The following CCNK variants were observed in gnomAD, a reference collection of about 807,000 sequenced individuals.
CCNK encodes the protein cyclin K.
CCNK carries 9 observed loss-of-function variants against 65.0 expected under a neutral mutation model. The observed-to-expected ratio is 0.14, with a 90% CI of 0.08 to 0.24. The LOEUF is 0.24. CCNK is among the 10% of genes least tolerant of loss of function. The pLI is 1.00. For missense variants in CCNK, 474 were observed against 720.0 expected, an observed-to-expected ratio of 0.66 and a Z score of 3.91; for synonymous variants, 279 against 270.8, an observed-to-expected ratio of 1.03 and a Z score of -0.30.
chr14:99,510,765 G>A lies in CCNK; in HGVS notation c.1726G>A (p.Ala576Thr), dbSNP rs750774367. 5 of 1,464,224 alleles carry A rather than the reference G, an allele frequency of 3.4e-6. No individual in the cohort carries two copies. The South Asian group carries it at 7.7e-5, about 22-fold the overall frequency. 90.7% of individuals were successfully genotyped at this position (1,464,224 alleles called of 1,614,324 possible). A position where few individuals can be genotyped will look rare whatever the true frequency, so the allele number is the denominator to read the frequency against. ...GCCTCCAGTTGGGGGGCTGGGGCGGGCAGCCTGGATGAGATAACGTGAGCC... is the reference window on the plus strand; with the variant it reads ...GCCTCCAGTTGGGGGGCTGGGGCGGACAGCCTGGATGAGATAACGTGAGCC... ...GMPPVGGLGRAAWMR is the reference protein window; with the variant it reads ...GMPPVGGLGRTAWMR Residue 576 changes from alanine (A) to threonine (T), a missense_variant, in exon 11 of 11, where the codon GCA (alanine) becomes ACA (threonine). By Grantham distance (58) the Ala-to-Thr change is moderately conservative. Transcript: ENST00000389879.
chr14:99,497,663 T>C (rs1896731130), intron 4 of CCNK, among the ~76,000 whole-genome samples: 1 of 152,240 alleles, frequency 6.6e-6, no homozygotes, highest in Non-Finnish European at 1.5e-5. Context: ...TGTCTCACAA[T>C]AGTTATCTTT....
At chr14:99,505,242 A>G (rs1376031580) in intron 9 of CCNK, 2 of 152,312 alleles carry the variant, frequency 1.3e-5, no homozygotes, top group African/African-American at 2.4e-5. Flanking sequence ...CATGGGAAAC[A>G]TGGTGGCCTC....
chr14:99,493,375 C>T (rs1283761194), intron 2 of CCNK, 139 bp from the exon 3 acceptor site: 2 of 553,078 alleles, frequency 3.6e-6, no homozygotes, highest in Middle Eastern at 3.8e-4. Context: ...CCTGAGATTC[C>T]CATCTCATTA....
intron 1 of CCNK, 91 bp from the exon 2 acceptor site, chr14:99,492,535 A>G: frequency 2.9e-6 from 2 of 693,382 alleles, no homozygotes; most frequent in Non-Finnish European, 4.7e-6. Context: ...TCTATAGGAA[A>G]TAGTGATCCC....
intron 1 of CCNK, among the ~76,000 whole-genome samples, chr14:99,489,435 C>T (rs971000297): frequency 2.0e-5 from 3 of 152,162 alleles, no homozygotes; most frequent in Admixed American, 6.5e-5. Flanking sequence ...GGAGGCTAGG[C>T]GGGAGGATCG....
At position 99,495,527 on chromosome 14, in the gene CCNK, TG is replaced by T; in HGVS notation, c.312del (p.Val106Ter). 6.2e-7 allele frequency: 1 copy of T among 1,612,486 alleles called. No individual in the cohort carries two copies. Among genetic ancestry groups the T allele is most frequent in the Non-Finnish European group, 8.5e-7 (1 of 1,179,300 alleles). ...CAGGAGCCTGTTGCCTCTTTCTGGCTGGGAAAGTAGAAGAAACACCAAAAAA... is the reference window on the plus strand; with the variant it reads ...CAGGAGCCTGTTGCCTCTTTCTGGCTGGAAAGTAGAAGAAACACCAAAAAA... The part of the protein sequence containing the change: ...VTGACCLFLA[G>X]KVEETPKKCK... On this transcript the variant is annotated frameshift_variant, in exon 4 of 11. Transcript: ENST00000389879. LOFTEE classifies it high-confidence loss of function.
At chr14:99,500,960 G>A in intron 5 of CCNK, 89 bp downstream of exon 5, 1 of 834,408 alleles carries the variant, frequency 1.2e-6, no homozygotes, top group Non-Finnish European at 1.9e-6. Flanking sequence ...CTCAAAAGCG[G>A]AAAACAAAGT....
At position 99,492,800 on chromosome 14, in the gene CCNK, T is replaced by C; in HGVS notation, c.123T>C (p.Leu41=). 1 of 1,613,362 alleles carries C rather than the reference T, an allele frequency of 6.2e-7. No individual in the cohort carries two copies. The highest frequency in any genetic ancestry group is 8.5e-7 in the Non-Finnish European group (1 of 1,179,704). ...ATACACCCTCACAACTTGAAGGACT[T>C]GATCCAGCCACCGAGGCCCGGTACC... ...LAHTPSQLEG[L]DPATEARYRR... The change falls in exon 2 of 11, where the codon CTT becomes CTC. Residue 41 remains leucine, a synonymous_variant. Coordinates refer to ENST00000389879, the MANE Select transcript of CCNK (RefSeq NM_001099402.2).
chr14:99,482,507 C>G (rs1322198790), intron 1 of CCNK, among the ~76,000 whole-genome samples: 5 of 152,192 alleles, frequency 3.3e-5, no homozygotes, highest in African/African-American at 1.2e-4. Flanking sequence ...AGGATGCTTA[C>G]CTGTTAAATA....
At chr14:99,499,800 A>G (rs1240873839) in intron 4 of CCNK, among the ~76,000 whole-genome samples, 1 of 152,250 alleles carries the variant, frequency 6.6e-6, no homozygotes, top group African/African-American at 2.4e-5. Flanking sequence ...ACTTTAAAAC[A>G]ACTAAAGGAC....
At position 99,507,432 on chromosome 14, in the gene CCNK, G is replaced by A. The variant is rs534320242; in HGVS notation, c.1117+285G>A. ...TCTAAAAAATTAGCCAGGTGTGGTA[G>A]CACACACCTGTAGTCCCAACTACTT... On this transcript the variant is annotated intron_variant, in intron 10 of 10. Transcript: ENST00000389879. The A allele has an allele frequency of 5.1e-4, 213 of 416,310 alleles. 1 individual carries two copies. The highest frequency in any genetic ancestry group is 4.0e-3 in the African/African-American group (199 of 49,446). 25.8% of individuals were successfully genotyped at this position (416,310 alleles called of 1,614,324 possible). A position where few individuals can be genotyped will look rare whatever the true frequency, so the allele number is the denominator to read the frequency against.
intron 4 of CCNK, among the ~76,000 whole-genome samples, chr14:99,498,690 A>G (rs1329946328): frequency 2.0e-5 from 3 of 152,194 alleles, no homozygotes. Context: ...ATTTTAATCA[A>G]ATGAGTATAT....
At position 99,495,585 on chromosome 14, in the gene CCNK, T is replaced by G; in HGVS notation, c.367T>G (p.Leu123Val). 6.2e-7 allele frequency: 1 copy of G among 1,612,578 alleles called. No individual in the cohort carries two copies. Among genetic ancestry groups the G allele is most frequent in the Non-Finnish European group, 8.5e-7 (1 of 1,179,454 alleles). ...CKDIIKTARS[L>V]LNDVQFGQFG... ...AGATATCATCAAAACAGCTCGTAGT[T>G]TATTAAATGATGTACAATTTGGCCA... Residue 123 changes from leucine (L) to valine (V), a missense_variant, in exon 4 of 11, where the codon TTA (leucine) becomes GTA (valine). Physicochemically the swap from Leu to Val is conservative, Grantham distance 32. Transcript: ENST00000389879.
rs1595307990 is a variant in CCNK at position 99,492,711 on chromosome 14, G to A, written c.34G>A (p.Val12Ile). 1 of 1,610,116 alleles carries A rather than the reference G, an allele frequency of 6.2e-7. No individual in the cohort carries two copies. The highest frequency in any genetic ancestry group is 8.5e-7 in the Non-Finnish European group (1 of 1,178,884). The change falls in exon 2 of 11, where the codon GTA becomes ATA. Residue 12 changes from valine to isoleucine, a missense_variant. Physicochemically the swap from Val to Ile is conservative, Grantham distance 29. This residue lies in a region of CCNK where 87 missense variants were observed against 166.2 expected (regional missense o/e 0.52). Coordinates refer to ENST00000389879, the MANE Select transcript of CCNK (RefSeq NM_001099402.2). Reference protein sequence around the residue: ...KENKENSSPSVTSANLDHTKP... With the variant: ...KENKENSSPSITSANLDHTKP... ...GAATAAAGAAAATTCAAGCCCTTCAGTAACTTCAGCAAACCTGGACCACAC... is the reference window on the plus strand; with the variant it reads ...GAATAAAGAAAATTCAAGCCCTTCAATAACTTCAGCAAACCTGGACCACAC...
chr14:99,489,356 C>A (rs1158344926), intron 1 of CCNK, among the ~76,000 whole-genome samples: 3 of 152,048 alleles, frequency 2.0e-5, no homozygotes, highest in African/African-American at 7.2e-5. Flanking sequence ...ACTAACAGTA[C>A]ACTAATGAAG....
At chr14:99,495,722 G>A (rs571830140) in intron 4 of CCNK, 93 bp downstream of exon 4, 13 of 1,154,488 alleles carry the variant, frequency 1.1e-5, no homozygotes, top group East Asian at 1.1e-4. Flanking sequence ...TAGCCCTTGT[G>A]TCTGCCAGTC....
At chr14:99,495,412 A>C in intron 3 of CCNK, 86 bp from the exon 4 acceptor site, 1 of 1,210,502 alleles carries the variant, frequency 8.3e-7, no homozygotes, top group Non-Finnish European at 1.1e-6. Flanking sequence ...GAGGAAGACC[A>C]GTTTATTACG....
intron 2 of CCNK, 120 bp downstream of exon 2, chr14:99,492,994 T>G (rs369690167): frequency 2.4e-6 from 2 of 840,194 alleles, no homozygotes; most frequent in Non-Finnish European, 3.5e-6. Context: ...TTCTTAAATA[T>G]CTGTTTGAAT....
intron 7 of CCNK, 74 bp from the exon 8 acceptor site, chr14:99,502,645 C>T: frequency 1.4e-6 from 2 of 1,436,402 alleles, no homozygotes; most frequent in Non-Finnish European, 1.9e-6. Context: ...GGTATCATAA[C>T]TGATTCTTTA....
Sources: allele counts gnomAD v4.1 joint callset (sites outside exome capture counted in the v4.1 genomes callset), GRCh38; gene constraint gnomAD v4.1.1; regional missense constraint gnomAD v4.1.1; transcripts MANE v1.5; gene names NCBI Gene and HGNC (gene_info 2026-07-23, HGNC 2026-07-21).